The following RABGEF1 variants were observed in gnomAD, a reference collection of about 807,000 sequenced individuals.
The protein encoded by RABGEF1 is RAB guanine nucleotide exchange factor 1.
In RABGEF1, 26 loss-of-function variants were observed where a neutral mutation model predicts 57.3. That is an observed-to-expected ratio of 0.45 (90% CI 0.33 to 0.63). The LOEUF (loss-of-function observed/expected upper bound fraction) is 0.63, where lower values mean the gene tolerates loss of function less well. RABGEF1 is among the 20% of genes least tolerant of loss of function. RABGEF1 has a pLI of 0.02. For missense variants in RABGEF1, 464 were observed against 607.6 expected (o/e 0.76, Z 2.48); for synonymous variants, 185 against 210.7 (o/e 0.88, Z 1.06).
chr7:66,656,365 C>T, the RABGEF1 span, among the ~76,000 whole-genome samples: 1 of 152,142 alleles, frequency 6.6e-6, no homozygotes, highest in African/African-American at 2.4e-5. Context: ...AATCCTCCCG[C>T]CTCAAGTCTC....
At chr7:66,788,396 A>G (rs1010567898) in intron 4 of RABGEF1, among the ~76,000 whole-genome samples, 29 of 151,938 alleles carry the variant, frequency 1.9e-4, no homozygotes, top group African/African-American at 6.8e-4. Flanking sequence ...GTGAGCTGAG[A>G]TCATGCCACT....
intron 2 of RABGEF1, among the ~76,000 whole-genome samples, chr7:66,715,585 T>A (rs545236034): frequency 6.6e-6 from 1 of 152,244 alleles, no homozygotes; most frequent in African/African-American, 2.4e-5. Context: ...TATGTAGAAG[T>A]ATGTAGTTAA....
chr7:66,709,737 T>A (rs1289138623), intron 1 of RABGEF1, among the ~76,000 whole-genome samples: 1 of 152,142 alleles, frequency 6.6e-6, no homozygotes, highest in Non-Finnish European at 1.5e-5. Context: ...ATCAAGCCAC[T>A]GCACTCCAGC....
chr7:66,766,682 C>T (rs1270315471), intron 1 of RABGEF1, among the ~76,000 whole-genome samples: 2 of 151,942 alleles, frequency 1.3e-5, no homozygotes. Flanking sequence ...GATTACCACC[C>T]GTCGTCTTTC....
intron 1 of RABGEF1, among the ~76,000 whole-genome samples, chr7:66,710,034 A>T (rs1182060250): frequency 6.6e-6 from 1 of 152,204 alleles, no homozygotes; most frequent in Non-Finnish European, 1.5e-5. Flanking sequence ...AAAATTTGAA[A>T]GTTCTTTTGC....
chr7:66,677,970 C>T (rs1451197962), upstream of RABGEF1, among the ~76,000 whole-genome samples: 3 of 150,946 alleles, frequency 2.0e-5, no homozygotes, highest in Non-Finnish European at 4.4e-5. Flanking sequence ...GGGGCTGAGG[C>T]AAGACATCTC....
At chr7:66,701,709 A>G (rs962257930) in intron 1 of RABGEF1, among the ~76,000 whole-genome samples, 1 of 152,058 alleles carries the variant, frequency 6.6e-6, no homozygotes, top group Non-Finnish European at 1.5e-5. Flanking sequence ...AGGTTTCACC[A>G]TGTTGGCCAG....
intron 1 of RABGEF1, among the ~76,000 whole-genome samples, chr7:66,707,750 C>T (rs556611190): frequency 1.3e-5 from 2 of 152,184 alleles, no homozygotes; most frequent in Non-Finnish European, 2.9e-5. Flanking sequence ...ATCTTCCCTC[C>T]AATTACTGCA....
chr7:66,769,855 T>C (rs1806637569), intron 1 of RABGEF1, among the ~76,000 whole-genome samples: 1 of 152,230 alleles, frequency 6.6e-6, no homozygotes, highest in Admixed American at 6.5e-5. Context: ...CTTCTGTCTG[T>C]GCTACATCAT....
upstream of RABGEF1, among the ~76,000 whole-genome samples, chr7:66,737,332 A>G (rs1301933498): frequency 6.6e-6 from 1 of 151,962 alleles, no homozygotes; most frequent in Non-Finnish European, 1.5e-5. Context: ...ATGGCTCACT[A>G]CATCCTTAAT....
intron 1 of RABGEF1, among the ~76,000 whole-genome samples, chr7:66,694,328 A>T (rs1405043327): frequency 6.6e-6 from 1 of 152,212 alleles, no homozygotes; most frequent in African/African-American, 2.4e-5. Flanking sequence ...GGTTTGTGGA[A>T]TAGTGAAGGA....
At chr7:66,692,494 A>C (rs979402164) in intron 1 of RABGEF1, among the ~76,000 whole-genome samples, 11 of 152,320 alleles carry the variant, frequency 7.2e-5, no homozygotes, top group Non-Finnish European at 1.5e-4. Context: ...TTCCCACCCA[A>C]AACCATCACC....
intron 1 of RABGEF1, among the ~76,000 whole-genome samples, chr7:66,765,983 T>G (rs12535324): frequency 0.039 from 6,004 of 152,236 alleles, 164 homozygotes; most frequent in East Asian, 0.085. Flanking sequence ...TGATCTATAC[T>G]TAAAAATAGG....
At chr7:66,790,209 C>A (rs1286021662) in intron 4 of RABGEF1, among the ~76,000 whole-genome samples, 1 of 152,212 alleles carries the variant, frequency 6.6e-6, no homozygotes, top group Non-Finnish European at 1.5e-5. Flanking sequence ...AAGACAATAA[C>A]CCTCACCTGA....
chr7:66,749,819 A>C (rs4718394), intron 1 of RABGEF1, among the ~76,000 whole-genome samples: 2 of 152,074 alleles, frequency 1.3e-5, no homozygotes, highest in African/African-American at 4.8e-5. Context: ...AAAATATTTT[A>C]AAAAATTAGC....
intron 2 of RABGEF1, among the ~76,000 whole-genome samples, chr7:66,720,194 ATTTTTT>A (rs58442880): frequency 7.4e-6 from 1 of 134,336 alleles, no homozygotes; most frequent in Non-Finnish European, 1.6e-5. Context: ...TATTATTATT[ATTTTTT>A]TTTTTTTTTC....
chr7:66,718,841 T>A (rs999344977), intron 2 of RABGEF1, among the ~76,000 whole-genome samples: 7 of 152,334 alleles, frequency 4.6e-5, no homozygotes, highest in African/African-American at 1.7e-4. Context: ...CAAATTGTCA[T>A]CTCAAGCTCC....
At chr7:66,799,440 T>C in intron 7 of RABGEF1, 26 bp downstream of exon 7, 6 of 1,520,544 alleles carry the variant, frequency 3.9e-6, no homozygotes, top group Non-Finnish European at 4.6e-6. Context: ...AGCCTTTTTA[T>C]TGGGATGTTT....
intron 1 of RABGEF1, among the ~76,000 whole-genome samples, chr7:66,711,954 C>T (rs1794834858): frequency 6.6e-6 from 1 of 152,154 alleles, no homozygotes; most frequent in Admixed American, 6.6e-5. Context: ...GTCTCATTGC[C>T]AATACTACAC....
Sources: allele counts gnomAD v4.1 joint callset (sites outside exome capture counted in the v4.1 genomes callset), GRCh38; gene constraint gnomAD v4.1.1; transcripts MANE v1.5; gene names NCBI Gene and HGNC (gene_info 2026-07-23, HGNC 2026-07-21).